Variants in YAE1 observed in about 807,000 individuals in gnomAD.
YAE1 encodes the protein YAE1 maturation factor of ABCE1, also known as protein YAE1 homolog.
A neutral mutation model predicts 23.0 loss-of-function variants in YAE1; 22 were observed. That is an observed-to-expected ratio of 0.96 (90% CI 0.68 to 1.37). The LOEUF (loss-of-function observed/expected upper bound fraction) is 1.37. Among genes scored for constraint, YAE1 ranks in the 40% most tolerant of loss-of-function variants. The pLI is 0.00. For synonymous variants in YAE1, 101 were observed against 97.0 expected, an observed-to-expected ratio of 1.04 and a Z score of -0.24; for missense variants, 260 against 262.1, an observed-to-expected ratio of 0.99 and a Z score of 0.06.
intron 2 of YAE1, among the ~76,000 whole-genome samples, chr7:39,593,747 C>T (rs1790937932): frequency 6.6e-6 from 1 of 152,236 alleles, no homozygotes; most frequent in Non-Finnish European, 1.5e-5. Flanking sequence ...GCATGAGCCA[C>T]CGCATCCAGC....
intron 2 of YAE1, among the ~76,000 whole-genome samples, chr7:39,571,889 T>C (rs1487937672): frequency 6.6e-6 from 1 of 152,192 alleles, no homozygotes; most frequent in South Asian, 2.1e-4. Flanking sequence ...TGGTTGCACC[T>C]TAACTCTGAA....
At chr7:39,607,119 A>T (rs1337577082) in intron 2 of YAE1, among the ~76,000 whole-genome samples, 1 of 152,106 alleles carries the variant, frequency 6.6e-6, no homozygotes, top group South Asian at 2.1e-4. Flanking sequence ...TGTCTTCTTC[A>T]TCTCCAAATC....
chr7:39,567,115 C>T (rs1195889646), intron 1 of YAE1: 1 of 152,320 alleles, frequency 6.6e-6, no homozygotes, highest in Non-Finnish European at 1.5e-5. Context: ...TTCATTGAAA[C>T]TAAGCTTAAT....
chr7:39,595,831 C>T (rs1160652406), intron 2 of YAE1, among the ~76,000 whole-genome samples: 1 of 152,206 alleles, frequency 6.6e-6, no homozygotes, highest in Non-Finnish European at 1.5e-5. Context: ...AGATTCAGCA[C>T]TCAAGGAACT....
In YAE1 at chr7:39,609,625, C is replaced by T. The variant is rs1191424118; in HGVS notation, c.260C>T (p.Thr87Met). 3 of 1,534,368 alleles carry T rather than the reference C, an allele frequency of 2.0e-6. No individual in the cohort carries two copies. In the East Asian group the frequency reaches 7.3e-5, roughly 38 times the overall value. The change falls in exon 3 of 3, where the codon ACG becomes ATG. Residue 87 changes from threonine to methionine, a missense_variant. Coordinates refer to the YAE1 transcript ENST00000432096. Reference sequence around the variant, plus strand: ...ATTGTCTATCAAAACAGGAACTCAACGGATTGGAGCCTACTGGGCTTGAGA... The same window carrying T: ...ATTGTCTATCAAAACAGGAACTCAATGGATTGGAGCCTACTGGGCTTGAGA...
chr7:39,611,746 A>G (rs995679085), downstream of YAE1, among the ~76,000 whole-genome samples: 5 of 152,140 alleles, frequency 3.3e-5, no homozygotes, highest in Non-Finnish European at 7.4e-5. Context: ...TCAGGACCAC[A>G]TTTTACAAGA....
At chr7:39,570,803 CTACT>C (rs1790552934) in intron 2 of YAE1, 176 bp downstream of exon 2, 1 of 716,792 alleles carries the variant, frequency 1.4e-6, no homozygotes, top group African/African-American at 1.9e-5. Flanking sequence ...ATCAGCTCAT[CTACT>C]TTAATGTGTG....
chr7:39,581,460 T>C (rs1790741807), intron 2 of YAE1, among the ~76,000 whole-genome samples: 1 of 152,214 alleles, frequency 6.6e-6, no homozygotes, highest in South Asian at 2.1e-4. Context: ...ATAAAATATC[T>C]TCTTTTTCTT....
chr7:39,573,113 G>A (rs545495402), downstream of YAE1, among the ~76,000 whole-genome samples: 11 of 152,142 alleles, frequency 7.2e-5, no homozygotes, highest in African/African-American at 2.2e-4. Flanking sequence ...AATAGTTAAC[G>A]TAAATATAGA....
At chr7:39,571,826 C>G (rs1349555348) in intron 2 of YAE1, among the ~76,000 whole-genome samples, 1 of 152,100 alleles carries the variant, frequency 6.6e-6, no homozygotes, top group Admixed American at 6.5e-5. Flanking sequence ...TTTTCTCTAA[C>G]CTTCATTCTT....
At chr7:39,604,674 A>G (rs1352030972) in intron 2 of YAE1, among the ~76,000 whole-genome samples, 1 of 152,222 alleles carries the variant, frequency 6.6e-6, no homozygotes, top group Admixed American at 6.5e-5. Flanking sequence ...TAATGGTTTC[A>G]GTGGTTTTTT....
intron 2 of YAE1, among the ~76,000 whole-genome samples, chr7:39,582,909 C>T (rs780088186): frequency 6.6e-6 from 1 of 152,138 alleles, no homozygotes; most frequent in Non-Finnish European, 1.5e-5. Flanking sequence ...TGCCAAAGAT[C>T]GGTATAGCTT....
downstream of YAE1, among the ~76,000 whole-genome samples, chr7:39,573,859 AC>A (rs1562590033): frequency 1.3e-5 from 2 of 152,198 alleles, no homozygotes; most frequent in Non-Finnish European, 2.9e-5. Flanking sequence ...CGCTGAAGAT[AC>A]CAGTGCCATT....
chr7:39,566,661 T>C, intron 1 of YAE1, 114 bp downstream of exon 1: 1 of 1,432,354 alleles, frequency 7.0e-7, no homozygotes, highest in South Asian at 1.4e-5. Context: ...TCTTTATCCC[T>C]AGGGACCCGG....
At chr7:39,580,483 G>A (rs1790725700) in intron 2 of YAE1, among the ~76,000 whole-genome samples, 1 of 152,234 alleles carries the variant, frequency 6.6e-6, no homozygotes, top group African/African-American at 2.4e-5. Flanking sequence ...GAGTTCTGCG[G>A]AAGTTGAATC....
chr7:39,592,661 C>T (rs1790917721), intron 2 of YAE1, among the ~76,000 whole-genome samples: 2 of 151,258 alleles, frequency 1.3e-5, no homozygotes, highest in South Asian at 4.1e-4. Flanking sequence ...AAGTTTTATC[C>T]TTTTAGTGCT....
chr7:39,600,262 G>A (rs1404554565), intron 2 of YAE1, among the ~76,000 whole-genome samples: 1 of 152,096 alleles, frequency 6.6e-6, no homozygotes, highest in Admixed American at 6.5e-5. Context: ...TGAAGTTCTT[G>A]CCCCCAGTAC....
At chr7:39,579,772 A>G (rs1790714665) in intron 2 of YAE1, among the ~76,000 whole-genome samples, 4 of 152,084 alleles carry the variant, frequency 2.6e-5, no homozygotes, top group Admixed American at 2.6e-4. Flanking sequence ...CTACGTGTCT[A>G]TAGCTCACAC....
At chr7:39,584,387 A>G (rs1763523109) in intron 2 of YAE1, among the ~76,000 whole-genome samples, 2 of 152,280 alleles carry the variant, frequency 1.3e-5, no homozygotes, top group South Asian at 4.1e-4. Flanking sequence ...TGCACAAAAA[A>G]GAATTGCCCT....
Sources: allele counts gnomAD v4.1 joint callset (sites outside exome capture counted in the v4.1 genomes callset), GRCh38; gene constraint gnomAD v4.1.1; transcripts MANE v1.5; gene names NCBI Gene and HGNC (gene_info 2026-07-23, HGNC 2026-07-21).